The following NKAIN2 variants were observed in gnomAD, a reference collection of about 807,000 sequenced individuals.
NKAIN2 encodes sodium/potassium-transporting ATPase subunit beta-1-interacting protein 2.
NKAIN2 carries 14 observed loss-of-function variants against 32.6 expected under a neutral mutation model. The observed-to-expected ratio is 0.43, with a 90% CI of 0.28 to 0.67. NKAIN2 has a LOEUF of 0.67. NKAIN2 is among the 30% of genes least tolerant of loss of function. NKAIN2 has a pLI of 0.17. For missense variants in NKAIN2, 198 were observed against 258.3 expected, an observed-to-expected ratio of 0.77 and a Z score of 1.60; for synonymous variants, 80 against 87.2, an observed-to-expected ratio of 0.92 and a Z score of 0.46.
intron 5 of NKAIN2, among the ~76,000 whole-genome samples, chr6:124,816,213 A>G (rs1781157023): frequency 6.6e-6 from 1 of 152,190 alleles, no homozygotes; most frequent in African/African-American, 2.4e-5. Context: ...GAGTCCAGTG[A>G]CATGACATTC....
At chr6:124,406,013 G>GGTGGGTGTGTGTGTGTGTGTGTGT (rs1773842213) in intron 3 of NKAIN2, among the ~76,000 whole-genome samples, 1 of 148,460 alleles carries the variant, frequency 6.7e-6, no homozygotes. Flanking sequence ...TTACCACCAC[G>GGTGGGTGTGTGTGTGTGTGTGTGT]GTGTGTGTGT....
intron 1 of NKAIN2, among the ~76,000 whole-genome samples, chr6:124,175,032 C>T (rs1252901660): frequency 2.6e-5 from 4 of 152,076 alleles, no homozygotes; most frequent in Non-Finnish European, 5.9e-5. Flanking sequence ...CCTGTATCTA[C>T]CTTATTAAAA....
At chr6:124,085,679 A>G (rs1203988015) in intron 1 of NKAIN2, among the ~76,000 whole-genome samples, 9 of 151,938 alleles carry the variant, frequency 5.9e-5, no homozygotes, top group African/African-American at 2.2e-4. Context: ...TGTGCCTGAC[A>G]CTATTTTAGA....
intron 1 of NKAIN2, among the ~76,000 whole-genome samples, chr6:123,985,102 TA>T (rs1222422434): frequency 6.6e-6 from 1 of 151,902 alleles, no homozygotes; most frequent in Non-Finnish European, 1.5e-5. Flanking sequence ...ATTCTACTGG[TA>T]AAAAATTGTA....
intron 1 of NKAIN2, among the ~76,000 whole-genome samples, chr6:124,023,499 T>G (rs1469867131): frequency 2.6e-5 from 4 of 152,180 alleles, no homozygotes; most frequent in African/African-American, 9.7e-5. Context: ...CCTTAAAATT[T>G]TTTTGAAAGC....
chr6:124,042,732 T>C (rs887005118), intron 1 of NKAIN2, among the ~76,000 whole-genome samples: 1 of 152,092 alleles, frequency 6.6e-6, no homozygotes, highest in African/African-American at 2.4e-5. Flanking sequence ...AATAGTATGC[T>C]CAATTTCCTA....
At chr6:124,079,725 T>C (rs1421261826) in intron 1 of NKAIN2, among the ~76,000 whole-genome samples, 2 of 152,140 alleles carry the variant, frequency 1.3e-5, no homozygotes, top group Non-Finnish European at 2.9e-5. Flanking sequence ...TCACAGGCTG[T>C]GTCAGTTTAA....
intron 1 of NKAIN2, among the ~76,000 whole-genome samples, chr6:123,834,658 AGAAAAGCTTT>A (rs1466799965): frequency 6.6e-6 from 1 of 152,232 alleles, no homozygotes; most frequent in Non-Finnish European, 1.5e-5. Flanking sequence ...TTATCTTAAT[AGAAAAGCTTT>A]GACTTTCTCG....
chr6:123,938,954 A>G (rs1208653311), intron 1 of NKAIN2, among the ~76,000 whole-genome samples: 2 of 151,960 alleles, frequency 1.3e-5, no homozygotes, highest in Admixed American at 6.6e-5. Flanking sequence ...AGGAAATAAA[A>G]TTTTGGTGAC....
intron 3 of NKAIN2, among the ~76,000 whole-genome samples, chr6:124,378,170 A>C (rs1255346654): frequency 6.6e-6 from 1 of 152,118 alleles, no homozygotes; most frequent in Non-Finnish European, 1.5e-5. Context: ...ACTTCAGCCC[A>C]ATGCACTTTG....
chr6:124,526,109 G>T (rs1213005877), intron 3 of NKAIN2, among the ~76,000 whole-genome samples: 1 of 152,062 alleles, frequency 6.6e-6, no homozygotes, highest in African/African-American at 2.4e-5. Flanking sequence ...GAATCTTCTA[G>T]ATAGAAGAAA....
intron 3 of NKAIN2, among the ~76,000 whole-genome samples, chr6:124,525,504 C>T (rs1779277558): frequency 6.6e-6 from 1 of 151,972 alleles, no homozygotes; most frequent in Admixed American, 6.6e-5. Flanking sequence ...ATTCATAAGT[C>T]ATAATAACTT....
intron 1 of NKAIN2, among the ~76,000 whole-genome samples, chr6:123,905,823 G>C (rs527398270): frequency 1.6e-4 from 24 of 152,150 alleles, no homozygotes; most frequent in South Asian, 1.0e-3. Flanking sequence ...ATTAGTCCTA[G>C]ATTGAATTAA....
chr6:124,347,037 C>CA (rs1798459800), intron 2 of NKAIN2, among the ~76,000 whole-genome samples: 1 of 151,970 alleles, frequency 6.6e-6, no homozygotes, highest in Non-Finnish European at 1.5e-5. Context: ...CTGGTGGTGA[C>CA]AAAATCTCTC....
At chr6:124,777,972 CACAA>C (rs1562377944) in intron 4 of NKAIN2, among the ~76,000 whole-genome samples, 1 of 151,566 alleles carries the variant, frequency 6.6e-6, no homozygotes, top group African/African-American at 2.4e-5. Flanking sequence ...CACACACACA[CACAA>C]ACACACACAC....
At chr6:124,730,258 C>T (rs1583747714) in intron 4 of NKAIN2, among the ~76,000 whole-genome samples, 1 of 100,320 alleles carries the variant, frequency 1.0e-5, no homozygotes, top group East Asian at 3.3e-4. Context: ...CCAAGTCAAT[C>T]CTAAGCCAAA....
chr6:124,051,825 G>A (rs898708088), intron 1 of NKAIN2, among the ~76,000 whole-genome samples: 1 of 151,936 alleles, frequency 6.6e-6, no homozygotes, highest in African/African-American at 2.4e-5. Context: ...CCAATAAAAG[G>A]CCAAAAGCAG....
At chr6:124,693,513 G>T (rs1774356728) in intron 4 of NKAIN2, among the ~76,000 whole-genome samples, 1 of 152,172 alleles carries the variant, frequency 6.6e-6, no homozygotes. Context: ...ATATTCCAAG[G>T]TGATGTGGTA....
intron 1 of NKAIN2, among the ~76,000 whole-genome samples, chr6:123,833,507 C>G (rs1225182524): frequency 6.6e-6 from 1 of 152,054 alleles, no homozygotes; most frequent in East Asian, 1.9e-4. Flanking sequence ...AGCTATAGAT[C>G]AAGTTGGGAA....
Sources: gnomAD v4.1 joint callset for allele counts (sites outside exome capture counted in the v4.1 genomes callset) on GRCh38, gnomAD v4.1.1 for gene constraint, MANE v1.5 for transcripts, NCBI Gene and HGNC (gene_info 2026-07-23, HGNC 2026-07-21) for gene names.